EYS: variants seen among roughly 807,000 people sequenced by gnomAD.
EYS encodes protein eyes shut homolog.
In EYS, 250 loss-of-function variants were observed where a neutral mutation model predicts 282.1. The ratio of observed to expected loss-of-function variants is 0.89; its 90% CI spans 0.80 to 0.98. EYS has a LOEUF of 0.98. EYS is among the 50% of genes least tolerant of loss of function. The probability of loss-of-function intolerance (pLI) is 0.00; values close to 1 mark genes in which losing one functional copy is unlikely to be tolerated. For missense variants in EYS, 4,016 were observed against 3,709.0 expected (o/e 1.08, Z -2.15); for synonymous variants, 1,355 against 1,282.9 (o/e 1.06, Z -1.20).
intron 42 of EYS, 52 bp from the exon 43 acceptor site, chr6:63,721,849 G>A: frequency 6.7e-7 from 1 of 1,482,224 alleles, no homozygotes; most frequent in Non-Finnish European, 9.0e-7. Context: ...AGTTTCCATT[G>A]AAAACTTTTG....
At chr6:65,681,980 C>A (rs1051426118) in intron 1 of EYS, among the ~76,000 whole-genome samples, 1 of 151,944 alleles carries the variant, frequency 6.6e-6, no homozygotes, top group African/African-American at 2.4e-5. Context: ...ATCACGTTGA[C>A]CCCTACCTAA....
intron 12 of EYS, among the ~76,000 whole-genome samples, chr6:65,269,709 G>A (rs1269617078): frequency 6.6e-6 from 1 of 152,136 alleles, no homozygotes; most frequent in African/African-American, 2.4e-5. Flanking sequence ...TGGGGATCTG[G>A]TGAGGGTCCT....
intron 12 of EYS, among the ~76,000 whole-genome samples, chr6:65,257,508 C>A (rs960490224): frequency 2.0e-5 from 3 of 146,622 alleles, no homozygotes; most frequent in African/African-American, 5.2e-5. Context: ...GTTTTCCCAG[C>A]ACCATTTATT....
intron 22 of EYS, among the ~76,000 whole-genome samples, chr6:64,735,527 A>T: frequency 6.6e-6 from 1 of 152,338 alleles, no homozygotes; most frequent in African/African-American, 2.4e-5. Context: ...AAAATTTGAA[A>T]AAAATTGTAT....
In EYS at chr6:63,907,951, CT is replaced by C. The variant is rs1424728264; in HGVS notation, c.7056-43594del. On this transcript the variant is annotated intron_variant, in intron 35 of 42. Coordinates refer to ENST00000503581, the MANE Select transcript of EYS (RefSeq NM_001142800.2). ...CTGCTGAAAAAGACATGATTTCATT[CT>C]TTTTTATGCCTGAATAGTATTGACT... Among the ~76,000 whole-genome samples the C allele has an allele frequency of 7.4e-5, 11 of 149,558 alleles. No homozygotes were observed. The East Asian group carries it at 2.2e-3, about 30-fold the overall frequency.
At chr6:65,028,805 T>A (rs2150142620) in intron 13 of EYS, among the ~76,000 whole-genome samples, 1 of 152,218 alleles carries the variant, frequency 6.6e-6, no homozygotes, top group South Asian at 2.1e-4. Context: ...CATGTATTTT[T>A]GTTAAAGAAT....
intron 12 of EYS, among the ~76,000 whole-genome samples, chr6:65,280,865 AAT>A (rs1554178611): frequency 1.5e-5 from 2 of 135,934 alleles, no homozygotes; most frequent in East Asian, 2.1e-4. Context: ...TAAAAAAAAA[AAT>A]ATATATATAT....
chr6:64,348,172 C>A (rs1231307432), intron 29 of EYS, among the ~76,000 whole-genome samples: 2 of 151,318 alleles, frequency 1.3e-5, no homozygotes, highest in Admixed American at 1.3e-4. Context: ...CAACTAATAA[C>A]TATTGAGCAC....
At chr6:65,030,721 C>A (rs1309062178) in intron 13 of EYS, among the ~76,000 whole-genome samples, 2 of 152,116 alleles carry the variant, frequency 1.3e-5, no homozygotes, top group Non-Finnish European at 2.9e-5. Context: ...CTGTTAGTAG[C>A]CCTTCAGGGG....
intron 28 of EYS, chr6:64,400,197 G>C (rs1368853382): frequency 2.0e-5 from 3 of 151,992 alleles, no homozygotes; most frequent in Non-Finnish European, 4.4e-5. Context: ...AAGGTAGTCA[G>C]CTTCACCATC....
chr6:65,496,383 T>G (rs73743919), intron 2 of EYS, among the ~76,000 whole-genome samples: 186 of 152,222 alleles, frequency 1.2e-3, no homozygotes, highest in Middle Eastern at 6.8e-3. Flanking sequence ...ACCTATTTTT[T>G]TTTAAAAGGT....
chr6:65,683,559 T>C (rs1768905033), intron 1 of EYS, among the ~76,000 whole-genome samples: 1 of 152,080 alleles, frequency 6.6e-6, no homozygotes, highest in Non-Finnish European at 1.5e-5. Context: ...ATAACAACAC[T>C]ACTTTTTTCT....
intron 12 of EYS, among the ~76,000 whole-genome samples, chr6:65,289,889 T>C (rs1375046596): frequency 1.3e-5 from 2 of 151,140 alleles, no homozygotes; most frequent in Non-Finnish European, 3.0e-5. Context: ...AAGCAATGAT[T>C]AGTAATCATG....
intron 2 of EYS, among the ~76,000 whole-genome samples, chr6:65,547,370 A>G (rs1738854397): frequency 6.6e-6 from 1 of 151,906 alleles, no homozygotes; most frequent in Non-Finnish European, 1.5e-5. Flanking sequence ...GCTATCTTAA[A>G]TGGATCTGAG....
chr6:65,243,176 G>A (rs1010063097), intron 12 of EYS, among the ~76,000 whole-genome samples: 1 of 151,988 alleles, frequency 6.6e-6, no homozygotes, highest in East Asian at 1.9e-4. Flanking sequence ...TTTTTTGTGT[G>A]TTTATCATAT....
intron 35 of EYS, among the ~76,000 whole-genome samples, chr6:63,928,530 G>C (rs1042895822): frequency 6.8e-5 from 4 of 58,956 alleles, no homozygotes; most frequent in African/African-American, 3.7e-4. Context: ...TTGACTGTGT[G>C]TGTGTGTGTG....
In EYS at chr6:65,136,870, T is replaced by G. The variant is rs1278771339; in HGVS notation, c.2024-79143A>C. On this transcript the variant is annotated intron_variant, in intron 12 of 42. Coordinates refer to ENST00000503581, the MANE Select transcript of EYS (RefSeq NM_001142800.2). ...CTAATTTTTGTATTTTTTGTAGAGA[T>G]GAGGTTTTGTCATGTTGGCCAGCCT... Among the ~76,000 whole-genome samples the G allele has an allele frequency of 3.3e-5, 5 of 151,964 alleles. No homozygotes were observed. The East Asian group carries it at 7.8e-4, about 24-fold the overall frequency.
At chr6:63,927,693 C>G (rs1764757897) in intron 35 of EYS, among the ~76,000 whole-genome samples, 1 of 152,178 alleles carries the variant, frequency 6.6e-6, no homozygotes, top group Non-Finnish European at 1.5e-5. Context: ...AGATGGAAAC[C>G]AGTTGCTGCT....
chr6:64,467,249 T>A (rs762305180), intron 26 of EYS, among the ~76,000 whole-genome samples: 1 of 152,132 alleles, frequency 6.6e-6, no homozygotes, highest in Non-Finnish European at 1.5e-5. Context: ...ACTATCTTAT[T>A]GGCAAAAATT....
Sources: allele counts gnomAD v4.1 joint callset (sites outside exome capture counted in the v4.1 genomes callset), GRCh38; gene constraint gnomAD v4.1.1; transcripts MANE v1.5; gene names NCBI Gene and HGNC (gene_info 2026-07-23, HGNC 2026-07-21).